SORCS2: variants seen among roughly 807,000 people sequenced by gnomAD.
SORCS2 encodes VPS10 domain-containing receptor SorCS2.
In SORCS2, 100 loss-of-function variants were observed where a neutral mutation model predicts 141.6. The observed-to-expected ratio is 0.71, with a 90% confidence interval of 0.60 to 0.83. The LOEUF is 0.83. Ranked by LOEUF, SORCS2 falls within the 40% of genes least tolerant of loss-of-function variation. The pLI is 0.00. For missense variants in SORCS2, 1,646 were observed against 1,560.2 expected (o/e 1.05, Z -0.93); for synonymous variants, 789 against 676.9 (o/e 1.17, Z -2.57).
chr4:7,424,964 G>A (rs1344794748), intron 2 of SORCS2, among the ~76,000 whole-genome samples: 1 of 152,220 alleles, frequency 6.6e-6, no homozygotes, highest in East Asian at 1.9e-4. Flanking sequence ...GGAGGGCCGC[G>A]GGGTCAGCAG....
chr4:7,466,808 G>C (rs897494002), intron 2 of SORCS2, among the ~76,000 whole-genome samples: 1 of 152,200 alleles, frequency 6.6e-6, no homozygotes, highest in African/African-American at 2.4e-5. Context: ...GCCCAGGGGT[G>C]CTGGGAGGCA....
intron 1 of SORCS2, among the ~76,000 whole-genome samples, chr4:7,377,428 C>A (rs1722732907): frequency 6.6e-6 from 1 of 152,202 alleles, no homozygotes. Context: ...AAGCCACATG[C>A]CACGTTCCCA....
intron 2 of SORCS2, among the ~76,000 whole-genome samples, chr4:7,522,283 T>C (rs1475738137): frequency 6.6e-6 from 1 of 152,184 alleles, no homozygotes; most frequent in Non-Finnish European, 1.5e-5. Flanking sequence ...GGAGTAATTA[T>C]AGGGGAGGAA....
chr4:7,683,251 C>T (rs116589365), intron 10 of SORCS2, among the ~76,000 whole-genome samples: 4,526 of 82,886 alleles, frequency 0.055, 116 homozygotes, highest in Middle Eastern at 0.13. Flanking sequence ...AGCTGAGCGG[C>T]TCTGCTGACC....
intron 2 of SORCS2, among the ~76,000 whole-genome samples, chr4:7,400,178 C>T (rs916070660): frequency 6.6e-6 from 1 of 151,840 alleles, no homozygotes; most frequent in Non-Finnish European, 1.5e-5. Context: ...AGTCTCAGCT[C>T]CTCCCACTCT....
chr4:7,289,230 G>A (rs898757894), intron 1 of SORCS2, among the ~76,000 whole-genome samples: 6 of 152,160 alleles, frequency 3.9e-5, no homozygotes, highest in African/African-American at 1.4e-4. Context: ...GCCCTCTGCA[G>A]ATGGAGGTCT....
chr4:7,533,906 C>T (rs1169371278), intron 3 of SORCS2, among the ~76,000 whole-genome samples: 1 of 152,194 alleles, frequency 6.6e-6, no homozygotes, highest in African/African-American at 2.4e-5. Context: ...CAGCACTGGG[C>T]CTTCTGTGCG....
In SORCS2 at chr4:7,273,606, C is replaced by A. The variant is rs75452260; in HGVS notation, c.480+80480C>A. ...AGGGCCCCATCCTTCCACCTTTGCA[C>A]CCCTACTGAGAGACTGAAGCTTCTG... On this transcript the variant is annotated intron_variant, in intron 1 of 26. Transcript: ENST00000507866. Among the ~76,000 whole-genome samples, 50 of 152,294 alleles carry A rather than the reference C, an allele frequency of 3.3e-4. 2 individuals carry two copies. The East Asian group carries it at 9.7e-3, about 29-fold the overall frequency.
chr4:7,353,240 C>CA (rs1721055985), intron 1 of SORCS2, among the ~76,000 whole-genome samples: 1 of 152,044 alleles, frequency 6.6e-6, no homozygotes, highest in African/African-American at 2.4e-5. Flanking sequence ...CTGGCTAAGG[C>CA]AAAAAAGTGG....
Position 7,475,889 on chromosome 4 carries a change from G to A in SORCS2, c.549-55641G>A, listed in dbSNP as rs1462203524. 6.6e-5 allele frequency among the ~76,000 whole-genome samples: 10 copies of A among 152,354 alleles called. No individual in the cohort carries two copies. The South Asian group carries it at 1.7e-3, about 25-fold the overall frequency. On this transcript the variant is annotated intron_variant, in intron 2 of 26. Transcript: ENST00000507866. ...AAGATACCACTCTGAAGGACACTGGGTTCTTGGATCTGGTGCCACTGTCGT... is the reference window on the plus strand; with the variant it reads ...AAGATACCACTCTGAAGGACACTGGATTCTTGGATCTGGTGCCACTGTCGT...
intron 1 of SORCS2, among the ~76,000 whole-genome samples, chr4:7,325,562 G>A (rs1029521433): frequency 1.3e-5 from 2 of 152,200 alleles, no homozygotes; most frequent in Admixed American, 6.5e-5. Context: ...AAATGGGGCT[G>A]GGGGCAGCTC....
intron 1 of SORCS2, among the ~76,000 whole-genome samples, chr4:7,351,354 CTCCCCA>C (rs940932222): frequency 2.6e-5 from 4 of 152,234 alleles, no homozygotes; most frequent in Non-Finnish European, 5.9e-5. Flanking sequence ...TCTCCCTCCT[CTCCCCA>C]TCCCCGTGGC....
At chr4:7,680,785 C>A (rs1039894542) in intron 9 of SORCS2, among the ~76,000 whole-genome samples, 2 of 152,154 alleles carry the variant, frequency 1.3e-5, no homozygotes, top group Non-Finnish European at 2.9e-5. Context: ...GCCTGCCCTG[C>A]CCCCCAACTC....
chr4:7,314,363 G>A (rs990616410), intron 1 of SORCS2, among the ~76,000 whole-genome samples: 17 of 144,470 alleles, frequency 1.2e-4, no homozygotes, highest in Non-Finnish European at 1.9e-4. Flanking sequence ...TTTTTGAGAC[G>A]GAGTCTTGCT....
At chr4:7,277,649 C>T (rs1715589850) in intron 1 of SORCS2, among the ~76,000 whole-genome samples, 1 of 130,774 alleles carries the variant, frequency 7.6e-6, no homozygotes, top group South Asian at 2.2e-4. Context: ...GTGCTCGGAA[C>T]ACCACTCCCT....
intron 4 of SORCS2, among the ~76,000 whole-genome samples, chr4:7,639,794 TG>T (rs1436624643): frequency 1.3e-5 from 2 of 151,668 alleles, no homozygotes; most frequent in East Asian, 3.9e-4. Context: ...TGGGTATGTA[TG>T]GGTGAGGTTG....
chr4:7,434,314 C>T (rs754509129), intron 2 of SORCS2: 25 of 1,611,406 alleles, frequency 1.6e-5, no homozygotes, highest in Admixed American at 3.3e-5. Flanking sequence ...GGAGACCTGC[C>T]GTACACAGTC....
rs1312265035 is a variant in SORCS2, at chr4:7,468,504, C to A, written c.549-63026C>A. On this transcript the variant is annotated intron_variant, in intron 2 of 26. Coordinates refer to ENST00000507866, the MANE Select transcript of SORCS2 (RefSeq NM_020777.3). Reference sequence around the variant, plus strand: ...TAGCGTCGAGGATGGGGGTTACTTTCCTTCTGTGTAACAGCCAAGAAGCCT... The same window carrying A: ...TAGCGTCGAGGATGGGGGTTACTTTACTTCTGTGTAACAGCCAAGAAGCCT... Among the ~76,000 whole-genome samples, 3 of 152,246 alleles carry A rather than the reference C, an allele frequency of 2.0e-5. No individual in the cohort carries two copies. The East Asian group carries it at 5.8e-4, about 29-fold the overall frequency.
chr4:7,355,878 C>G (rs1389172686), intron 1 of SORCS2, among the ~76,000 whole-genome samples: 1 of 152,230 alleles, frequency 6.6e-6, no homozygotes, highest in East Asian at 1.9e-4. Flanking sequence ...ATGGGGCTTC[C>G]TGGGTGATGG....
Sources: gnomAD v4.1 joint callset for allele counts (sites outside exome capture counted in the v4.1 genomes callset) on GRCh38, gnomAD v4.1.1 for gene constraint, MANE v1.5 for transcripts, NCBI Gene and HGNC (gene_info 2026-07-23, HGNC 2026-07-21) for gene names.